The following FRK variants were observed in gnomAD, a reference collection of about 807,000 sequenced individuals.
The protein encoded by FRK is fyn related Src family tyrosine kinase, also known as tyrosine-protein kinase FRK.
In FRK, 51 loss-of-function variants were observed where a neutral mutation model predicts 56.4. The observed-to-expected ratio is 0.90, with a 90% CI of 0.72 to 1.14. FRK has a LOEUF of 1.14. FRK is among the 50% of genes most tolerant of loss of function. The probability of loss-of-function intolerance (pLI) is 0.00; values close to 1 mark genes in which losing one functional copy is unlikely to be tolerated. For synonymous variants in FRK, 245 were observed against 217.9 expected, an observed-to-expected ratio of 1.12 and a Z score of -1.10; for missense variants, 570 against 601.4, an observed-to-expected ratio of 0.95 and a Z score of 0.55.
In FRK at chr6:115,968,582, G is replaced by C; in HGVS notation, c.624C>G (p.Cys208Trp). The part of the protein sequence containing the change: ...DGLCVKLGKP[C>W]LKIQVPAPFD... ...AGCTTGAAAGCATTTTCACCTTTAA[G>C]CATGGTTTCCCCAGCTTGACACACA... The change falls in exon 3 of 8, where the codon TGC becomes TGG. Residue 208 changes from cysteine (C) to tryptophan (W), a missense_variant. Cys to Trp is a radical substitution (Grantham distance 215). Coordinates refer to ENST00000606080, the MANE Select transcript of FRK (RefSeq NM_002031.3). The C allele has an allele frequency of 6.2e-7, 1 of 1,609,904 alleles. No homozygotes were observed. Among genetic ancestry groups the C allele is most frequent in the Non-Finnish European group, 8.5e-7 (1 of 1,178,502 alleles).
chr6:115,979,496 T>A (rs930138914), intron 2 of FRK, among the ~76,000 whole-genome samples: 3 of 152,170 alleles, frequency 2.0e-5, no homozygotes, highest in Non-Finnish European at 2.9e-5. Flanking sequence ...TAAAAAGTTA[T>A]AGTAAGCTAA....
chr6:115,970,442 C>T (rs1024467528), intron 2 of FRK, among the ~76,000 whole-genome samples: 4 of 152,154 alleles, frequency 2.6e-5, no homozygotes, highest in Admixed American at 1.3e-4. Context: ...TGTTCATCAA[C>T]ACATAAATAG....
At chr6:115,958,729 AAG>A (rs1773174693) in intron 4 of FRK, among the ~76,000 whole-genome samples, 4 of 32,208 alleles carry the variant, frequency 1.2e-4, no homozygotes, top group South Asian at 4.3e-3. Context: ...GAAAGAAAGA[AAG>A]AAAGAAAGAA....
At chr6:116,083,252 T>C in the FRK span, among the ~76,000 whole-genome samples, 1 of 152,212 alleles carries the variant, frequency 6.6e-6, no homozygotes, top group East Asian at 1.9e-4. Context: ...AAAGTTCACC[T>C]TCATGTGCTT....
At chr6:116,095,384 T>C in the FRK span, among the ~76,000 whole-genome samples, 2 of 152,276 alleles carry the variant, frequency 1.3e-5, no homozygotes. Flanking sequence ...AGGAGCCATC[T>C]ATATCAATTC....
chr6:115,970,867 C>T (rs1773783557), intron 2 of FRK, among the ~76,000 whole-genome samples: 1 of 152,134 alleles, frequency 6.6e-6, no homozygotes, highest in Non-Finnish European at 1.5e-5. Flanking sequence ...GAGTTATGAT[C>T]GATTGTGCCA....
chr6:116,094,815 GAGAA>G, the FRK span, among the ~76,000 whole-genome samples: 3 of 152,122 alleles, frequency 2.0e-5, no homozygotes, highest in Non-Finnish European at 2.9e-5. Flanking sequence ...GGGAATCAGA[GAGAA>G]AGAGAGACAG....
intron 2 of FRK, among the ~76,000 whole-genome samples, chr6:115,994,325 C>G (rs1201380891): frequency 3.6e-4 from 9 of 24,802 alleles, no homozygotes; most frequent in East Asian, 9.4e-4. Flanking sequence ...CTCACAACCT[C>G]CCCCCCCCCC....
chr6:116,094,014 A>C, the FRK span, among the ~76,000 whole-genome samples: 1 of 152,348 alleles, frequency 6.6e-6, no homozygotes, highest in East Asian at 1.9e-4. Context: ...GAAAGGCCGC[A>C]GCCTTAGTCA....
upstream of FRK, among the ~76,000 whole-genome samples, chr6:116,062,005 GGAAA>G (rs745677180): frequency 5.2e-3 from 760 of 147,312 alleles, 4 homozygotes; most frequent in Non-Finnish European, 6.2e-3. Flanking sequence ...AAAGAAAGAA[GGAAA>G]GAAAGAAAGA....
At chr6:116,033,401 G>A (rs373166913) in intron 1 of FRK, among the ~76,000 whole-genome samples, 3 of 152,146 alleles carry the variant, frequency 2.0e-5, no homozygotes, top group East Asian at 1.9e-4. Context: ...ATAGATCAGT[G>A]GTTCAGGATA....
At chr6:116,049,302 T>C (rs1244897569) in intron 1 of FRK, among the ~76,000 whole-genome samples, 1 of 152,214 alleles carries the variant, frequency 6.6e-6, no homozygotes, top group Non-Finnish European at 1.5e-5. Context: ...ACTTTTACTT[T>C]CCCTCCTGTA....
intron 2 of FRK, 48 bp downstream of exon 2, chr6:116,003,829 C>A (rs886479621): frequency 6.2e-7 from 1 of 1,602,118 alleles, no homozygotes; most frequent in African/African-American, 1.3e-5. Flanking sequence ...AAGCTCATGA[C>A]TGCAGACTCT....
intron 1 of FRK, among the ~76,000 whole-genome samples, chr6:116,032,073 C>A (rs1308422331): frequency 6.6e-6 from 1 of 151,982 alleles, no homozygotes; most frequent in East Asian, 1.9e-4. Flanking sequence ...TAAAATGAAT[C>A]CCTCATTGTA....
chr6:115,933,638 A>G lies in FRK; in HGVS notation c.*8776T>C, dbSNP rs1404224381. On this transcript the variant is annotated 3_prime_UTR_variant, in exon 8 of 8. Transcript: ENST00000606080. ...AAAATTTATTATTATTAGCTACCAA[A>G]AAGAAACAAACTATATAGTGGCTGA... The G allele has an allele frequency of 6.6e-6, 1 of 152,214 alleles. No homozygotes were observed. The highest frequency in any genetic ancestry group is 1.5e-5 in the Non-Finnish European group (1 of 68,020). The allele number at this position is 152,214 out of a possible 1,614,324, so 9.4% of individuals were successfully genotyped here. A position where few individuals can be genotyped will look rare whatever the true frequency, so the allele number is the denominator to read the frequency against.
chr6:116,009,008 CAG>C (rs1775363949), intron 1 of FRK, among the ~76,000 whole-genome samples: 1 of 152,070 alleles, frequency 6.6e-6, no homozygotes, highest in Admixed American at 6.5e-5. Context: ...AGAGTATGCT[CAG>C]AGAGTCCAGT....
At chr6:115,999,651 C>T (rs1261683702) in intron 2 of FRK, among the ~76,000 whole-genome samples, 1 of 152,154 alleles carries the variant, frequency 6.6e-6, no homozygotes, top group Admixed American at 6.6e-5. Flanking sequence ...AGCAGCACAG[C>T]AGTCAGCAAA....
upstream of FRK, among the ~76,000 whole-genome samples, chr6:116,061,834 C>G (rs2095795): frequency 0.059 from 9,011 of 151,766 alleles, 397 homozygotes; most frequent in Admixed American, 0.14. Flanking sequence ...GTTGTGAGAC[C>G]CTTGAACCTG....
At chr6:115,944,527 G>A in intron 5 of FRK, 102 bp from the exon 6 acceptor site, 1 of 825,328 alleles carries the variant, frequency 1.2e-6, no homozygotes, top group Non-Finnish European at 1.9e-6. Context: ...GTGAGATTAA[G>A]TACAATGGCA....
Sources: allele counts gnomAD v4.1 joint callset (sites outside exome capture counted in the v4.1 genomes callset), GRCh38; gene constraint gnomAD v4.1.1; transcripts MANE v1.5; gene names NCBI Gene and HGNC (gene_info 2026-07-23, HGNC 2026-07-21).